The following PLCB4 variants were observed in gnomAD, a reference collection of about 807,000 sequenced individuals.
The protein encoded by PLCB4 is 1-phosphatidylinositol 4,5-bisphosphate phosphodiesterase beta-4.
In PLCB4, 77 loss-of-function variants were observed where a neutral mutation model predicts 178.8. The ratio of observed to expected loss-of-function variants is 0.43; its 90% CI spans 0.36 to 0.52. The LOEUF (loss-of-function observed/expected upper bound fraction) is 0.52, where lower values mean the gene tolerates loss of function less well. Among genes scored for constraint, PLCB4 ranks in the 20% least tolerant of loss-of-function variants. The pLI is 0.00. For synonymous variants in PLCB4, 496 were observed against 490.8 expected (o/e 1.01, Z -0.14); for missense variants, 1,024 against 1,453.4 (o/e 0.70, Z 4.80).
intron 2 of PLCB4, among the ~76,000 whole-genome samples, chr20:9,203,019 T>C (rs2093566812): frequency 7.0e-6 from 1 of 142,508 alleles, no homozygotes; most frequent in Non-Finnish European, 1.5e-5. Flanking sequence ...ATGGAACAGA[T>C]GGTTGACCAG....
chr20:9,170,951 G>T (rs1480282729), intron 2 of PLCB4, among the ~76,000 whole-genome samples: 1 of 152,146 alleles, frequency 6.6e-6, no homozygotes, highest in African/African-American at 2.4e-5. Context: ...AGTTATACCA[G>T]CACCATAAAG....
At chr20:9,140,684 G>T (rs958940662) in intron 2 of PLCB4, among the ~76,000 whole-genome samples, 2 of 151,798 alleles carry the variant, frequency 1.3e-5, no homozygotes, top group Non-Finnish European at 2.9e-5. Flanking sequence ...CATCTCTCTT[G>T]CTCCCTCTCT....
intron 3 of PLCB4, among the ~76,000 whole-genome samples, chr20:9,300,794 A>G (rs1276763470): frequency 6.6e-6 from 1 of 152,104 alleles, no homozygotes; most frequent in African/African-American, 2.4e-5. Context: ...CTTATTTGGC[A>G]ACTTTTTAGT....
intron 19 of PLCB4, among the ~76,000 whole-genome samples, chr20:9,397,872 G>T (rs143792093): frequency 9.0e-4 from 137 of 152,276 alleles, no homozygotes; most frequent in African/African-American, 3.0e-3. Flanking sequence ...TAATTCTGTG[G>T]GTCATGTGGG....
At chr20:9,423,610 G>A (rs2148580776) in intron 27 of PLCB4, 138 bp from the exon 28 acceptor site, 1 of 662,352 alleles carries the variant, frequency 1.5e-6, no homozygotes, top group East Asian at 2.7e-5. Flanking sequence ...ACATTTTGGG[G>A]AATGCAGATG....
chr20:9,196,225 G>A (rs2093471052), intron 2 of PLCB4, among the ~76,000 whole-genome samples: 1 of 152,136 alleles, frequency 6.6e-6, no homozygotes, highest in Non-Finnish European at 1.5e-5. Context: ...GTGTGTGCAG[G>A]CAGAGTCAAA....
intron 35 of PLCB4, among the ~76,000 whole-genome samples, chr20:9,461,900 C>G (rs1216092705): frequency 6.6e-6 from 1 of 152,214 alleles, no homozygotes; most frequent in Non-Finnish European, 1.5e-5. Context: ...CTGAAGAGAG[C>G]AGTGGTTCTC....
chr20:9,216,148 C>G (rs1198543841), intron 2 of PLCB4, among the ~76,000 whole-genome samples: 1 of 152,012 alleles, frequency 6.6e-6, no homozygotes, highest in Non-Finnish European at 1.5e-5. Flanking sequence ...TGCCTTCTTA[C>G]CATATGGAAA....
chr20:9,383,362 G>A (rs2037307491), intron 13 of PLCB4, among the ~76,000 whole-genome samples: 2 of 152,170 alleles, frequency 1.3e-5, no homozygotes, highest in Admixed American at 1.3e-4. Flanking sequence ...TGACCACACT[G>A]GTGTAGGCCC....
rs1568674392 is a variant in PLCB4, at chr20:9,372,418, TGAG to T, written c.686+18_686+20del. The T allele has an allele frequency of 1.6e-6, 2 of 1,264,622 alleles. No homozygotes were observed. The highest frequency in any genetic ancestry group is 2.3e-6 in the Non-Finnish European group (2 of 869,560). The allele number at this position is 1,264,622 out of a possible 1,614,324, so 78.3% of individuals were successfully genotyped here. A position where few individuals can be genotyped will look rare whatever the true frequency, so the allele number is the denominator to read the frequency against. On this transcript the variant is annotated intron_variant, in intron 11 of 39. Transcript: ENST00000378473. ...TTCAAAAAAATGTAAGTTCCACTTA[TGAG>T]GAAGTGCCATATAAATATTATCACT...
chr20:9,138,694 C>T (rs2092431156), intron 2 of PLCB4, among the ~76,000 whole-genome samples: 1 of 152,108 alleles, frequency 6.6e-6, no homozygotes, highest in Non-Finnish European at 1.5e-5. Flanking sequence ...TTCACAATCA[C>T]CTGTTTAGCA....
chr20:9,431,944 C>G (rs900936963), intron 28 of PLCB4, among the ~76,000 whole-genome samples: 1 of 152,126 alleles, frequency 6.6e-6, no homozygotes, highest in Admixed American at 6.5e-5. Flanking sequence ...TTTAACTAAA[C>G]CATTAACTTT....
At chr20:9,347,432 A>G (rs1298144765) in intron 7 of PLCB4, among the ~76,000 whole-genome samples, 1 of 152,230 alleles carries the variant, frequency 6.6e-6, no homozygotes, top group Non-Finnish European at 1.5e-5. Flanking sequence ...ATCAGGCACC[A>G]TGTAGCATTA....
chr20:9,075,117 G>A (rs911174218), intron 1 of PLCB4, among the ~76,000 whole-genome samples: 3 of 152,036 alleles, frequency 2.0e-5, no homozygotes, highest in African/African-American at 7.2e-5. Context: ...TTTATACTTG[G>A]GGAAACTGAG....
intron 3 of PLCB4, among the ~76,000 whole-genome samples, chr20:9,292,133 A>G (rs900037457): frequency 6.6e-6 from 1 of 152,166 alleles, no homozygotes; most frequent in African/African-American, 2.4e-5. Context: ...CATTTTTGTG[A>G]AGTCTCATTT....
At position 9,478,547 on chromosome 20, in the gene PLCB4, G is replaced by A. The variant is rs114418538; in HGVS notation, c.3533-374G>A. On this transcript the variant is annotated intron_variant, in intron 39 of 39. Transcript: ENST00000378473. ...ATTATCTACACACAGTCAAAGCAAC[G>A]TGTCAATCTGTAGAAACTAAATCAA... Among the ~76,000 whole-genome samples the A allele has an allele frequency of 7.7e-3, 1,169 of 152,244 alleles. 16 individuals are homozygous for A. The highest frequency in any genetic ancestry group is 0.027 in the African/African-American group (1,105 of 41,544).
chr20:9,266,255 TTTG>T lies in PLCB4; in HGVS notation c.-15-41536_-15-41534del, dbSNP rs779280731. Among the ~76,000 whole-genome samples, 4 of 152,332 alleles carry T rather than the reference TTTG, an allele frequency of 2.6e-5. No individual in the cohort carries two copies. In the South Asian group the frequency reaches 8.3e-4, roughly 32 times the overall value. On this transcript the variant is annotated intron_variant, in intron 3 of 39. Coordinates refer to ENST00000378473, the MANE Select transcript of PLCB4 (RefSeq NM_001377142.1). Reference sequence around the variant, plus strand: ...TCTACTGAATGAGAATCTGCTTTTTTTTGTTGTTGTTTGTTTGTTTGTCTGTTT... The same window carrying T: ...TCTACTGAATGAGAATCTGCTTTTTTTTGTTGTTTGTTTGTTTGTCTGTTT...
chr20:9,423,944 G>T lies in PLCB4; in HGVS notation c.2516G>T (p.Gly839Val). ...GTTCTTAAAACATATGTGCCTGATGGATTTGGAGGTAAGATAAACATTTGG... is the reference window on the plus strand; with the variant it reads ...GTTCTTAAAACATATGTGCCTGATGTATTTGGAGGTAAGATAAACATTTGG... ...NIVLKTYVPD[G>V]FGDIVDALSD... The change falls in exon 28 of 40, where the codon GGA becomes GTA. Residue 839 changes from glycine (G) to valine (V), a missense_variant. Transcript: ENST00000378473. The T allele has an allele frequency of 6.3e-7, 1 of 1,598,562 alleles. No individual in the cohort carries two copies. Among genetic ancestry groups the T allele is most frequent in the Non-Finnish European group, 8.6e-7 (1 of 1,167,062 alleles).
At chr20:9,478,187 A>G (rs1247761380) in intron 39 of PLCB4, among the ~76,000 whole-genome samples, 1 of 152,106 alleles carries the variant, frequency 6.6e-6, no homozygotes, top group East Asian at 1.9e-4. Context: ...CACTGCCCCC[A>G]TCATATCCCC....
Sources: allele counts gnomAD v4.1 joint callset (sites outside exome capture counted in the v4.1 genomes callset), GRCh38; gene constraint gnomAD v4.1.1; transcripts MANE v1.5; gene names NCBI Gene and HGNC (gene_info 2026-07-23, HGNC 2026-07-21).